Variants in XYLT1 observed in about 807,000 individuals in gnomAD.
The protein encoded by XYLT1 is beta-D-xylosyltransferase 1.
In XYLT1, 36 loss-of-function variants were observed where a neutral mutation model predicts 91.3. The observed-to-expected ratio is 0.39, with a 90% confidence interval of 0.30 to 0.52. The LOEUF (loss-of-function observed/expected upper bound fraction) is 0.52. Ranked by LOEUF, XYLT1 falls within the 20% of genes least tolerant of loss-of-function variation. The probability of loss-of-function intolerance (pLI) is 0.68; values close to 1 mark genes in which losing one functional copy is unlikely to be tolerated. For missense variants in XYLT1, 1,242 were observed against 1,284.5 expected, an observed-to-expected ratio of 0.97 and a Z score of 0.51; for synonymous variants, 588 against 532.0, an observed-to-expected ratio of 1.11 and a Z score of -1.45.
intron 2 of XYLT1, among the ~76,000 whole-genome samples, chr16:17,290,969 C>A (rs1279804324): frequency 1.3e-5 from 2 of 152,214 alleles, no homozygotes; most frequent in Non-Finnish European, 2.9e-5. Flanking sequence ...GACACGGTCT[C>A]TGTCACCCAG....
chr16:17,312,887 T>C lies in XYLT1; in HGVS notation c.402+45125A>G, dbSNP rs554350784. Among the ~76,000 whole-genome samples, 30 of 152,376 alleles carry C rather than the reference T, an allele frequency of 2.0e-4. No individual in the cohort carries two copies. The highest frequency in any genetic ancestry group is 7.0e-4 in the African/African-American group (29 of 41,592). ...CTCGCTCATGGATCAGAGATGTTTC[T>C]GAGGGTACTCATATTTGAAAAGGAC... On this transcript the variant is annotated intron_variant, in intron 2 of 11. Transcript: ENST00000261381. The surrounding 1 kb of genome is among the most constrained non-coding windows in gnomAD (Gnocchi z 4.4).
At chr16:17,447,959 T>C (rs139651538) in intron 1 of XYLT1, among the ~76,000 whole-genome samples, 36 of 152,354 alleles carry the variant, frequency 2.4e-4, no homozygotes, top group Admixed American at 7.2e-4. Flanking sequence ...ACATGCATCA[T>C]TGATTGAATA....
chr16:17,236,907 A>G (rs1254821982), intron 3 of XYLT1, among the ~76,000 whole-genome samples: 2 of 152,222 alleles, frequency 1.3e-5, no homozygotes, highest in Non-Finnish European at 2.9e-5. Flanking sequence ...CTATTTCCAA[A>G]TAAGGCCACA....
chr16:17,300,411 C>G (rs1232564437), intron 2 of XYLT1, among the ~76,000 whole-genome samples: 1 of 146,006 alleles, frequency 6.8e-6, no homozygotes, highest in Non-Finnish European at 1.5e-5. Flanking sequence ...TATGTGAATG[C>G]AAATGCAAAA....
intron 2 of XYLT1, among the ~76,000 whole-genome samples, chr16:17,303,371 T>C (rs757411604): frequency 9.2e-5 from 14 of 152,254 alleles, no homozygotes; most frequent in Non-Finnish European, 2.1e-4. Flanking sequence ...ACAGAGCCCA[T>C]GTGGCCAGCA....
intron 5 of XYLT1, among the ~76,000 whole-genome samples, chr16:17,191,097 C>G (rs2032300189): frequency 6.6e-6 from 1 of 152,090 alleles, no homozygotes; most frequent in Admixed American, 6.5e-5. Context: ...GTTTCTGTCT[C>G]TAGTGATAAG....
chr16:17,167,207 T>C (rs1242811812), intron 5 of XYLT1, among the ~76,000 whole-genome samples: 1 of 152,224 alleles, frequency 6.6e-6, no homozygotes, highest in Middle Eastern at 3.2e-3. Flanking sequence ...AGGAATGTGA[T>C]CCATTTCTGT....
chr16:17,410,890 C>T (rs892141883), intron 1 of XYLT1, among the ~76,000 whole-genome samples: 2 of 152,198 alleles, frequency 1.3e-5, no homozygotes, highest in African/African-American at 4.8e-5. Flanking sequence ...CATCTGTCCA[C>T]CTCAGCCTCC....
Position 17,158,220 on chromosome 16 carries a change from G to T in XYLT1, c.1370+609C>A, listed in dbSNP as rs2031459630. On this transcript the variant is annotated intron_variant, in intron 6 of 11. Transcript: ENST00000261381. ...ACATTGTTCATTTTAAGCGAGAGAGGTGTGAGGGATCTGGGTTGGGGTTCT... is the reference window on the plus strand; with the variant it reads ...ACATTGTTCATTTTAAGCGAGAGAGTTGTGAGGGATCTGGGTTGGGGTTCT... 2.0e-5 allele frequency among the ~76,000 whole-genome samples: 3 copies of T among 152,324 alleles called. No homozygotes were observed. In the South Asian group the frequency reaches 6.2e-4, roughly 32 times the overall value.
At chr16:17,234,355 C>T (rs113038908) in intron 3 of XYLT1, among the ~76,000 whole-genome samples, 3,428 of 152,242 alleles carry the variant, frequency 0.023, 52 homozygotes, top group Non-Finnish European at 0.033. Flanking sequence ...TACCTTTATC[C>T]CCGCTTAACT....
chr16:17,399,092 A>C (rs904265614), intron 1 of XYLT1, among the ~76,000 whole-genome samples: 9 of 152,224 alleles, frequency 5.9e-5, no homozygotes, highest in African/African-American at 1.7e-4. Context: ...GCATCTTTGC[A>C]AATTACATCT....
At chr16:17,195,734 G>A (rs116539989) in intron 5 of XYLT1, among the ~76,000 whole-genome samples, 204 of 152,174 alleles carry the variant, frequency 1.3e-3, no homozygotes, top group African/African-American at 4.6e-3. Context: ...GTGAGCCACT[G>A]CACCCGGCCC....
intron 6 of XYLT1, among the ~76,000 whole-genome samples, chr16:17,144,647 A>G (rs1198262420): frequency 6.6e-6 from 1 of 152,262 alleles, no homozygotes; most frequent in African/African-American, 2.4e-5. Context: ...TGCTCTGGGC[A>G]GATGACACAG....
At chr16:17,200,128 G>A (rs897544073) in intron 4 of XYLT1, among the ~76,000 whole-genome samples, 1 of 151,950 alleles carries the variant, frequency 6.6e-6, no homozygotes, top group Admixed American at 6.6e-5. Flanking sequence ...GGCTGAGGCA[G>A]GAAAATTGCT....
chr16:17,254,334 A>T (rs2033594826), intron 3 of XYLT1, among the ~76,000 whole-genome samples: 1 of 152,174 alleles, frequency 6.6e-6, no homozygotes, highest in Non-Finnish European at 1.5e-5. Flanking sequence ...AACAGTAAAT[A>T]TACTTTCTCC....
chr16:17,360,185 C>T (rs1185502809), intron 1 of XYLT1, among the ~76,000 whole-genome samples: 14 of 152,126 alleles, frequency 9.2e-5, no homozygotes, highest in Admixed American at 7.9e-4. Flanking sequence ...GGGTGCATGC[C>T]CAGATTAATT....
chr16:17,170,382 C>A (rs2031795502), intron 5 of XYLT1, among the ~76,000 whole-genome samples: 1 of 152,198 alleles, frequency 6.6e-6, no homozygotes, highest in Non-Finnish European at 1.5e-5. Context: ...AACTGTCCAG[C>A]ACAGAGGCCA....
chr16:17,303,241 A>T (rs2034424053), intron 2 of XYLT1, among the ~76,000 whole-genome samples: 1 of 152,244 alleles, frequency 6.6e-6, no homozygotes, highest in Non-Finnish European at 1.5e-5. Context: ...CTTTAAGACC[A>T]AATCTGGCCT....
At chr16:17,345,521 G>A (rs532873728) in intron 2 of XYLT1, among the ~76,000 whole-genome samples, 1 of 152,310 alleles carries the variant, frequency 6.6e-6, no homozygotes, top group Non-Finnish European at 1.5e-5. Context: ...AAAGGCAGGG[G>A]GTGACGCAGC....
Sources: gnomAD v4.1 joint callset for allele counts (sites outside exome capture counted in the v4.1 genomes callset) on GRCh38, gnomAD v4.1.1 for gene constraint, Gnocchi (gnomAD v3.1) non-coding constraint, MANE v1.5 for transcripts, NCBI Gene and HGNC (gene_info 2026-07-23, HGNC 2026-07-21) for gene names.